The following ARL15 variants were observed in gnomAD, a reference collection of about 807,000 sequenced individuals.
The protein encoded by ARL15 is ARF like GTPase 15.
ARL15 carries 19 observed loss-of-function variants against 25.2 expected under a neutral mutation model. The ratio of observed to expected loss-of-function variants is 0.75; its 90% CI spans 0.53 to 1.10. The LOEUF is 1.10. Among genes scored for constraint, ARL15 ranks in the 50% least tolerant of loss-of-function variants. ARL15 has a pLI of 0.00. For synonymous variants in ARL15, 94 were observed against 86.8 expected, an observed-to-expected ratio of 1.08 and a Z score of -0.46; for missense variants, 220 against 246.0, an observed-to-expected ratio of 0.89 and a Z score of 0.71.
At chr5:54,181,562 A>G (rs1241192481) in intron 1 of ARL15, among the ~76,000 whole-genome samples, 1 of 152,214 alleles carries the variant, frequency 6.6e-6, no homozygotes, top group Non-Finnish European at 1.5e-5. Context: ...AAATACACAA[A>G]CACTTTTAAC....
intron 3 of ARL15, among the ~76,000 whole-genome samples, chr5:54,133,904 G>GA (rs1256953396): frequency 4.0e-5 from 6 of 151,680 alleles, no homozygotes; most frequent in East Asian, 1.9e-4. Flanking sequence ...GATCAGATAA[G>GA]AAAAAAAACT....
At chr5:54,200,948 T>A (rs1221341684) in intron 1 of ARL15, among the ~76,000 whole-genome samples, 5 of 152,172 alleles carry the variant, frequency 3.3e-5, no homozygotes, top group Non-Finnish European at 7.4e-5. Context: ...CTAATCGGAT[T>A]TACTTTCACC....
chr5:54,048,294 GC>G (rs1303511537), intron 4 of ARL15: 1 of 151,742 alleles, frequency 6.6e-6, no homozygotes, highest in Non-Finnish European at 1.5e-5. Flanking sequence ...ATTGGTGCAT[GC>G]CACCTCACTT....
rs534185842 is a variant in ARL15, at chr5:54,264,014, C to T, written c.48+46418G>A. Among the ~76,000 whole-genome samples, 3 of 152,232 alleles carry T rather than the reference C, an allele frequency of 2.0e-5. 1 individual carries two copies. The South Asian group carries it at 6.2e-4, about 32-fold the overall frequency. On this transcript the variant is annotated intron_variant, in intron 1 of 4. Transcript: ENST00000504924. ...AACTCCTTCAGTATATCACAGAATA[C>T]CTGATTGCTGAATATCTACAAAGTT...
rs932342726 is a variant in ARL15, at chr5:53,939,578, T to TA, written c.463-52866dup. 3.9e-4 allele frequency among the ~76,000 whole-genome samples: 59 copies of TA among 151,762 alleles called. 1 individual carries two copies. The highest frequency in any genetic ancestry group is 3.4e-3 in the Middle Eastern group (1 of 294). ...GATGAAACCCTGTCTCTACTAAAAATAAAAAAATTAGCTAGGCGTGGTGGG... is the reference window on the plus strand; with the variant it reads ...GATGAAACCCTGTCTCTACTAAAAATAAAAAAAATTAGCTAGGCGTGGTGGG... On this transcript the variant is annotated intron_variant, in intron 4 of 4. Transcript: ENST00000504924.
chr5:54,299,018 C>G (rs72756291), intron 1 of ARL15, among the ~76,000 whole-genome samples: 1 of 152,074 alleles, frequency 6.6e-6, no homozygotes, highest in East Asian at 1.9e-4. Flanking sequence ...ATCCTCCTGC[C>G]TCAGCCTCCC....
At chr5:54,287,982 A>T (rs79706727) in intron 1 of ARL15, among the ~76,000 whole-genome samples, 8,179 of 152,288 alleles carry the variant, frequency 0.054, 293 homozygotes, top group African/African-American at 0.098. Context: ...AAACTGAGGG[A>T]ATACAAAAAG....
intron 1 of ARL15, among the ~76,000 whole-genome samples, chr5:54,231,954 C>T (rs1240802436): frequency 6.6e-6 from 1 of 152,164 alleles, no homozygotes; most frequent in African/African-American, 2.4e-5. Flanking sequence ...TCCATACTCC[C>T]TCTCCAATCT....
At chr5:54,086,701 G>T (rs573075103) in intron 4 of ARL15, among the ~76,000 whole-genome samples, 1 of 151,958 alleles carries the variant, frequency 6.6e-6, no homozygotes, top group East Asian at 1.9e-4. Context: ...ACACTGGTCC[G>T]CTATACTAGA....
In ARL15 at chr5:53,988,307, A is replaced by G. The variant is rs994267255; in HGVS notation, c.463-101594T>C. ...CAAGTGAGAGCCTGTCTCAAAAAGA[A>G]AAAAAGAAAAAAAGAAAAAAAAAAA... On this transcript the variant is annotated intron_variant, in intron 4 of 4. Transcript: ENST00000504924. Among the ~76,000 whole-genome samples, 14 of 150,586 alleles carry G rather than the reference A, an allele frequency of 9.3e-5. No homozygotes were observed. In the South Asian group the frequency reaches 1.5e-3, roughly 16 times the overall value.
chr5:53,977,432 G>A (rs1189107963), intron 4 of ARL15, among the ~76,000 whole-genome samples: 1 of 150,822 alleles, frequency 6.6e-6, no homozygotes, highest in Non-Finnish European at 1.5e-5. Flanking sequence ...CTTTTACATA[G>A]TAATTTTTCC....
At chr5:54,140,459 GAT>G (rs3036099) in intron 3 of ARL15, among the ~76,000 whole-genome samples, 13,569 of 115,940 alleles carry the variant, frequency 0.12, 797 homozygotes, top group Admixed American at 0.21. Flanking sequence ...TAGATAGATA[GAT>G]AGATAGAGAT....
At chr5:53,940,642 A>G (rs111792659) in intron 4 of ARL15, among the ~76,000 whole-genome samples, 1 of 152,208 alleles carries the variant, frequency 6.6e-6, no homozygotes, top group Admixed American at 6.5e-5. Context: ...GCATTTTTCT[A>G]TGCTTAAACA....
intron 4 of ARL15, chr5:54,048,405 A>AAAT (rs1561202142): frequency 1.2e-5 from 1 of 80,080 alleles, no homozygotes; most frequent in Non-Finnish European, 2.4e-5. Flanking sequence ...ATATATATAT[A>AAAT]TATTTTTTTT....
At chr5:53,889,539 T>A (rs1368686731) in intron 4 of ARL15, among the ~76,000 whole-genome samples, 1 of 152,198 alleles carries the variant, frequency 6.6e-6, no homozygotes, top group Non-Finnish European at 1.5e-5. Flanking sequence ...CAAATATGGC[T>A]GGGTAATTCA....
chr5:54,134,642 T>G (rs987155180), intron 3 of ARL15, among the ~76,000 whole-genome samples: 1 of 123,382 alleles, frequency 8.1e-6, no homozygotes, highest in African/African-American at 3.1e-5. Context: ...TGGAGTGCAG[T>G]GGCACAATCT....
intron 4 of ARL15, among the ~76,000 whole-genome samples, chr5:53,913,650 A>G (rs948770731): frequency 6.6e-6 from 1 of 152,224 alleles, no homozygotes; most frequent in African/African-American, 2.4e-5. Flanking sequence ...CACAAGGTTC[A>G]TTGTGAGGCT....
At chr5:54,228,117 A>G (rs1456790147) in intron 1 of ARL15, among the ~76,000 whole-genome samples, 1 of 152,144 alleles carries the variant, frequency 6.6e-6, no homozygotes, top group Non-Finnish European at 1.5e-5. Flanking sequence ...TCAGATGGCT[A>G]ATTTCTAAGG....
intron 4 of ARL15, among the ~76,000 whole-genome samples, chr5:53,895,624 C>T (rs548931380): frequency 3.9e-5 from 6 of 152,180 alleles, no homozygotes; most frequent in Non-Finnish European, 4.4e-5. Context: ...GTTAAATTTA[C>T]ACCACCTGAA....
Sources: allele counts gnomAD v4.1 joint callset (sites outside exome capture counted in the v4.1 genomes callset), GRCh38; gene constraint gnomAD v4.1.1; transcripts MANE v1.5; gene names NCBI Gene and HGNC (gene_info 2026-07-23, HGNC 2026-07-21).